Variants in ZNF385B observed in about 807,000 individuals in gnomAD.
ZNF385B encodes zinc finger protein 385B.
Under a neutral mutation model 39.2 loss-of-function variants are expected in ZNF385B, and 23 were observed. The observed-to-expected ratio is 0.59, with a 90% confidence interval of 0.42 to 0.83. The LOEUF is 0.83. ZNF385B is among the 40% of genes least tolerant of loss of function. The pLI, the probability that ZNF385B is intolerant of heterozygous loss-of-function variation, is 0.00. For missense variants in ZNF385B, 552 were observed against 598.9 expected (o/e 0.92, Z 0.82); for synonymous variants, 205 against 222.6 (o/e 0.92, Z 0.70).
At chr2:179,843,530 G>T (rs1409130142) in intron 1 of ZNF385B, among the ~76,000 whole-genome samples, 1 of 152,158 alleles carries the variant, frequency 6.6e-6, no homozygotes, top group African/African-American at 2.4e-5. Context: ...TGTGACATAG[G>T]TATATACCAA....
At position 179,594,904 on chromosome 2, in the gene ZNF385B, T is replaced by G. The variant is rs75459530; in HGVS notation, c.299-49935A>C. Among the ~76,000 whole-genome samples the G allele has an allele frequency of 2.0e-3, 300 of 152,136 alleles. 1 individual carries two copies. Among genetic ancestry groups the G allele is most frequent in the Non-Finnish European group, 3.5e-3 (238 of 67,984 alleles). On this transcript the variant is annotated intron_variant, in intron 3 of 9. Coordinates refer to ENST00000410066, the MANE Select transcript of ZNF385B (RefSeq NM_152520.6). ...TTACTGCAGGCTCAACCTCCTGGAC[T>G]TAAGCAATCCCTCCACCTCAGCATT... is the stretch of plus-strand genomic sequence containing the variant.
intron 3 of ZNF385B, among the ~76,000 whole-genome samples, chr2:179,707,911 C>T (rs1366655431): frequency 6.6e-6 from 1 of 152,148 alleles, no homozygotes; most frequent in Non-Finnish European, 1.5e-5. Flanking sequence ...CGCTAAGGAG[C>T]CTCAAGTTCA....
intron 1 of ZNF385B, among the ~76,000 whole-genome samples, chr2:179,775,649 T>C (rs1158498504): frequency 6.6e-6 from 1 of 152,230 alleles, no homozygotes; most frequent in Admixed American, 6.5e-5. Flanking sequence ...TAAATGTTTC[T>C]AGCAGTTTGT....
chr2:179,662,358 ATTTTT>A (rs202113925), intron 3 of ZNF385B, among the ~76,000 whole-genome samples: 1 of 139,322 alleles, frequency 7.2e-6, no homozygotes. Context: ...TTTATGGGTA[ATTTTT>A]TTTTTTTTTT....
intron 3 of ZNF385B, among the ~76,000 whole-genome samples, chr2:179,628,943 T>G (rs1439283215): frequency 6.6e-6 from 1 of 152,218 alleles, no homozygotes; most frequent in Non-Finnish European, 1.5e-5. Flanking sequence ...GCTTATTTTC[T>G]TTTTTAAAAC....
At chr2:179,703,381 C>A (rs1486395611) in intron 3 of ZNF385B, among the ~76,000 whole-genome samples, 1 of 152,168 alleles carries the variant, frequency 6.6e-6, no homozygotes, top group African/African-American at 2.4e-5. Context: ...CCCACTCTTT[C>A]AACATACACG....
intron 1 of ZNF385B, among the ~76,000 whole-genome samples, chr2:179,782,024 T>C (rs147869992): frequency 2.4e-4 from 36 of 152,096 alleles, no homozygotes; most frequent in African/African-American, 7.5e-4. Context: ...CACAGGCACA[T>C]ACACAGAAAA....
chr2:179,556,881 A>G (rs2105944546), intron 3 of ZNF385B, among the ~76,000 whole-genome samples: 1 of 149,244 alleles, frequency 6.7e-6, no homozygotes, highest in South Asian at 2.2e-4. Flanking sequence ...GAGTCTATAA[A>G]ATCCAACAAT....
At chr2:179,702,434 C>G (rs1391550708) in intron 3 of ZNF385B, among the ~76,000 whole-genome samples, 4 of 152,140 alleles carry the variant, frequency 2.6e-5, no homozygotes, top group Non-Finnish European at 5.9e-5. Flanking sequence ...GGCAGGCTTG[C>G]TTTATCAATA....
At chr2:179,450,064 A>C (rs1351351749) in intron 6 of ZNF385B, among the ~76,000 whole-genome samples, 3 of 152,066 alleles carry the variant, frequency 2.0e-5, no homozygotes, top group Admixed American at 1.3e-4. Context: ...GAAAGCTGAA[A>C]CTGGATCCCT....
At chr2:179,526,863 C>G (rs940613399) in intron 4 of ZNF385B, among the ~76,000 whole-genome samples, 1 of 152,222 alleles carries the variant, frequency 6.6e-6, no homozygotes, top group African/African-American at 2.4e-5. Flanking sequence ...ATGGTTTCTT[C>G]AAGAATCCCC....
intron 5 of ZNF385B, among the ~76,000 whole-genome samples, chr2:179,511,917 C>T (rs1056487556): frequency 6.6e-6 from 1 of 151,980 alleles, no homozygotes; most frequent in African/African-American, 2.4e-5. Context: ...CCTAGAGGTA[C>T]CATACAAAAT....
In ZNF385B at chr2:179,479,808, C is replaced by T. The variant is rs140284223; in HGVS notation, c.715+3464G>A. On this transcript the variant is annotated intron_variant, in intron 6 of 9. Coordinates refer to ENST00000410066, the MANE Select transcript of ZNF385B (RefSeq NM_152520.6). Reference sequence around the variant, plus strand: ...GAGCCAAGATGACACCACTACACTCCAGCCTGGGCAACAGAGCGAGACTCT... The same window carrying T: ...GAGCCAAGATGACACCACTACACTCTAGCCTGGGCAACAGAGCGAGACTCT... Among the ~76,000 whole-genome samples, 47 of 152,224 alleles carry T rather than the reference C, an allele frequency of 3.1e-4. No homozygotes were observed. The East Asian group carries it at 8.9e-3, about 29-fold the overall frequency.
chr2:179,633,196 C>T (rs6718154), intron 3 of ZNF385B, among the ~76,000 whole-genome samples: 40,340 of 152,008 alleles, frequency 0.27, 5,653 homozygotes, highest in East Asian at 0.53. Flanking sequence ...CTTCCTAACT[C>T]ATTTTATGAG....
At chr2:179,493,135 CA>C (rs2055423717) in intron 5 of ZNF385B, among the ~76,000 whole-genome samples, 1 of 151,978 alleles carries the variant, frequency 6.6e-6, no homozygotes, top group African/African-American at 2.4e-5. Context: ...ATAGTCATAA[CA>C]AAAGTCATAC....
intron 3 of ZNF385B, among the ~76,000 whole-genome samples, chr2:179,698,403 G>A (rs2106358844): frequency 6.6e-6 from 1 of 152,246 alleles, no homozygotes; most frequent in Admixed American, 6.5e-5. Context: ...GATTCTAGAA[G>A]GCAATTATTA....
At chr2:179,637,169 A>G (rs746489579) in intron 3 of ZNF385B, 3 of 152,148 alleles carry the variant, frequency 2.0e-5, no homozygotes, top group Non-Finnish European at 2.9e-5. Context: ...ATATTTCAGG[A>G]AAATTTCCAG....
intron 3 of ZNF385B, chr2:179,562,558 G>A (rs16866781): frequency 0.011 from 10,605 of 985,354 alleles, 71 homozygotes; most frequent in Non-Finnish European, 0.011. Context: ...CAAATCATAC[G>A]TCCTGTAATT....
chr2:179,633,058 T>C (rs1691390617), intron 3 of ZNF385B, among the ~76,000 whole-genome samples: 1 of 152,184 alleles, frequency 6.6e-6, no homozygotes, highest in Non-Finnish European at 1.5e-5. Flanking sequence ...GAGGTAATAA[T>C]TGATAGCCTA....
Sources: gnomAD v4.1 joint callset for allele counts (sites outside exome capture counted in the v4.1 genomes callset) on GRCh38, gnomAD v4.1.1 for gene constraint, MANE v1.5 for transcripts, NCBI Gene and HGNC (gene_info 2026-07-23, HGNC 2026-07-21) for gene names.